The following DNHD1 variants were observed in gnomAD, a reference collection of about 807,000 sequenced individuals.
DNHD1 encodes the protein dynein heavy chain domain-containing protein 1.
DNHD1 carries 383 observed loss-of-function variants against 458.1 expected under a neutral mutation model. The observed-to-expected ratio is 0.84, with a 90% confidence interval of 0.77 to 0.91. DNHD1 has a LOEUF of 0.91. Among genes scored for constraint, DNHD1 ranks in the 40% least tolerant of loss-of-function variants. The pLI is 0.00. For synonymous variants in DNHD1, 2,203 were observed against 2,376.9 expected (o/e 0.93, Z 2.13); for missense variants, 5,336 against 5,866.1 (o/e 0.91, Z 2.95).
At chr11:6,535,543 G>A (rs1391625305) in intron 14 of DNHD1, among the ~76,000 whole-genome samples, 1 of 152,166 alleles carries the variant, frequency 6.6e-6, no homozygotes, top group Non-Finnish European at 1.5e-5. Flanking sequence ...GTTTAAAAAA[G>A]TGATGGGAGC....
intron 7 of DNHD1, among the ~76,000 whole-genome samples, chr11:6,513,950 T>C (rs2433316): frequency 0.012 from 1,882 of 152,216 alleles, 48 homozygotes; most frequent in African/African-American, 0.043. Context: ...TTCACACCAT[T>C]CTCCTGCCTC....
chr11:6,524,015 C>T (rs1402299203), intron 10 of DNHD1, among the ~76,000 whole-genome samples: 2 of 152,150 alleles, frequency 1.3e-5, no homozygotes, highest in African/African-American at 2.4e-5. Context: ...TCATTATAAG[C>T]AAAGTTTATT....
Position 6,508,950 on chromosome 11 carries a change from A to T in DNHD1, c.991A>T (p.Ile331Phe), listed in dbSNP as rs148851238. The T allele has an allele frequency of 5.5e-4, 885 of 1,614,126 alleles. 1 individual carries two copies. The highest frequency in any genetic ancestry group is 5.6e-4 in the Non-Finnish European group (663 of 1,180,038). The change falls in exon 5 of 43, where the codon ATC (isoleucine) becomes TTC (phenylalanine). Residue 331 changes from isoleucine (I) to phenylalanine (F), a missense_variant. Around this residue, in one of 4 missense-constraint regions of DNHD1, gnomAD observed 3,932 missense variants for 4,365.6 expected, o/e 0.90. Coordinates refer to ENST00000254579, the MANE Select transcript of DNHD1 (RefSeq NM_144666.3). ...PEHYIFSPFG[I>F]LHVHPVEGSE... Reference sequence around the variant, plus strand: ...GCACTACATCTTCTCTCCCTTTGGGATCTTGCATGTACATCCTGTGGAAGG... The same window carrying T: ...GCACTACATCTTCTCTCCCTTTGGGTTCTTGCATGTACATCCTGTGGAAGG...
chr11:6,557,105 C>G lies in DNHD1; in HGVS notation c.7810C>G (p.Leu2604Val). ...VSHLLSSLQL[L>V]PNRTGSRGFV... ...CCACCTACTGAGCAGCCTGCAGCTG[C>G]TGCCCAACAGAACAGGCTCCCGAGG... The change falls in exon 25 of 43, where the codon CTG becomes GTG. Residue 2604 changes from leucine to valine, a missense_variant. Leu to Val is a conservative substitution (Grantham distance 32). Around this residue, in one of 4 missense-constraint regions of DNHD1, gnomAD observed 3,932 missense variants for 4,365.6 expected, o/e 0.90. Coordinates refer to ENST00000254579, the MANE Select transcript of DNHD1 (RefSeq NM_144666.3). The G allele has an allele frequency of 3.2e-6, 5 of 1,551,748 alleles. No individual in the cohort carries two copies. Among genetic ancestry groups the G allele is most frequent in the Non-Finnish European group, 4.4e-6 (5 of 1,147,006 alleles).
At chr11:6,511,690 T>C (rs1388763289) in intron 7 of DNHD1, among the ~76,000 whole-genome samples, 1 of 152,210 alleles carries the variant, frequency 6.6e-6, no homozygotes. Context: ...AATGTATCAA[T>C]GTCTATTTTG....
chr11:6,511,256 T>C lies in DNHD1; in HGVS notation c.1236-17T>C. 6.2e-7 allele frequency: 1 copy of C among 1,613,686 alleles called. No homozygotes were observed. The highest frequency in any genetic ancestry group is 8.5e-7 in the Non-Finnish European group (1 of 1,179,716). On this transcript the variant is annotated splice_polypyrimidine_tract_variant and intron_variant, in intron 6 of 42. Transcript: ENST00000254579. ...GATTGGGATGCCAGCTCTGACCAGC[T>C]TAGTCCTTGATTCTAGGCTTCTGCA... is the stretch of plus-strand genomic sequence containing the variant.
rs200418410 is a variant in DNHD1, at chr11:6,498,223, C to T, written c.8C>T (p.Pro3Leu). 1.8e-4 allele frequency: 294 copies of T among 1,610,990 alleles called. 1 individual carries two copies. The highest frequency in any genetic ancestry group is 5.1e-4 in the Middle Eastern group (3 of 5,940). Residue 3 changes from proline to leucine, a missense_variant, in exon 3 of 43, where the codon CCG (proline) becomes CTG (leucine). Physicochemically the swap from Pro to Leu is moderately conservative, Grantham distance 98 (BLOSUM62 -3). This residue lies in a region of DNHD1 where 3,932 missense variants were observed against 4,365.6 expected (regional missense o/e 0.90). Transcript: ENST00000254579. The part of the protein sequence containing the change: MV[P>L]EERRVGLSSD... ...TTGAATGCCCAGCTCCTCATGGTCCCGGAGGAGAGGAGGGTAGGTTTGTCT... is the reference window on the plus strand; with the variant it reads ...TTGAATGCCCAGCTCCTCATGGTCCTGGAGGAGAGGAGGGTAGGTTTGTCT...
At chr11:6,502,149 A>G (rs1231612814) in intron 3 of DNHD1, among the ~76,000 whole-genome samples, 1 of 152,200 alleles carries the variant, frequency 6.6e-6, no homozygotes, top group Admixed American at 6.5e-5. Context: ...TGTTGACCAG[A>G]ATGCAGAAGA....
At chr11:6,569,899 G>T (rs1321210351) in intron 39 of DNHD1, 110 bp from the exon 40 acceptor site, 10 of 824,166 alleles carry the variant, frequency 1.2e-5, no homozygotes, top group Non-Finnish European at 1.8e-5. Context: ...GAGGTGCCAA[G>T]TGGCAATGAA....
At position 6,498,824 on chromosome 11, in the gene DNHD1, G is replaced by A. The variant is rs1852084736; in HGVS notation, c.609G>A (p.Gln203=). 6.2e-7 allele frequency: 1 copy of A among 1,614,126 alleles called. No homozygotes were observed. The highest frequency in any genetic ancestry group is 1.3e-5 in the African/African-American group (1 of 74,938). The change falls in exon 3 of 43, where the codon CAG becomes CAA. Residue 203 remains glutamine, a synonymous_variant. Transcript: ENST00000254579. ...GCTGCCTGGGCATTGTTGGTGCTCA[G>A]GTGGCCCTAGAAGAGGCTGTGTGGC... The part of the protein sequence containing the change: ...LQRCLGIVGA[Q]VALEEAVWLD...
At chr11:6,512,133 G>A (rs1852344710) in intron 7 of DNHD1, among the ~76,000 whole-genome samples, 1 of 151,984 alleles carries the variant, frequency 6.6e-6, no homozygotes, top group South Asian at 2.1e-4. Flanking sequence ...CTCCATCAGA[G>A]GAGGTTAATC....
chr11:6,563,165 C>T lies in DNHD1; in HGVS notation c.9669+34C>T, dbSNP rs750638310. 8 of 1,551,414 alleles carry T rather than the reference C, an allele frequency of 5.2e-6. No homozygotes were observed. The South Asian group carries it at 7.1e-5, about 14-fold the overall frequency. Reference sequence around the variant, plus strand: ...TTCCTGCCGCCTGCCCTGCACTGCTCCTCTCTCAAAAGAGGGCAACCCCTC... The same window carrying T: ...TTCCTGCCGCCTGCCCTGCACTGCTTCTCTCTCAAAAGAGGGCAACCCCTC... On this transcript the variant is annotated intron_variant, in intron 29 of 42. Transcript: ENST00000254579.
chr11:6,549,568 C>T (rs1458994758), intron 24 of DNHD1, among the ~76,000 whole-genome samples: 1 of 152,228 alleles, frequency 6.6e-6, no homozygotes, highest in Admixed American at 6.5e-5. Context: ...TCTCTGCCTT[C>T]TCTATGTGGC....
chr11:6,546,225 G>C lies in DNHD1; in HGVS notation c.5286G>C (p.Leu1762Phe). Residue 1762 changes from leucine to phenylalanine, a missense_variant, in exon 21 of 43, where the codon TTG becomes TTC. Around this residue, in one of 4 missense-constraint regions of DNHD1, gnomAD observed 3,932 missense variants for 4,365.6 expected, o/e 0.90. Transcript: ENST00000254579. The part of the protein sequence containing the change: ...LGQRLGELHH[L>F]YAPLYQEASR... ...AGCGCCTGGGTGAACTGCACCACTTGTATGCCCCACTGTACCAGGAGGCTT... is the reference window on the plus strand; with the variant it reads ...AGCGCCTGGGTGAACTGCACCACTTCTATGCCCCACTGTACCAGGAGGCTT... 1.3e-6 allele frequency: 2 copies of C among 1,551,920 alleles called. No individual in the cohort carries two copies. Among genetic ancestry groups the C allele is most frequent in the South Asian group, 2.4e-5 (2 of 84,008 alleles).
intron 6 of DNHD1, 89 bp from the exon 7 acceptor site, chr11:6,511,184 G>T: frequency 6.6e-7 from 1 of 1,515,004 alleles, no homozygotes; most frequent in South Asian, 1.3e-5. Flanking sequence ...TATTTGTGCA[G>T]TCTGAGGTAA....
intron 19 of DNHD1, 89 bp downstream of exon 19, chr11:6,544,335 G>C: frequency 1.4e-6 from 2 of 1,452,846 alleles, no homozygotes; most frequent in Non-Finnish European, 1.9e-6. Context: ...GGTTGGGTGG[G>C]AGAAGATATG....
Position 6,559,017 on chromosome 11 carries a change from C to T in DNHD1, c.9327C>T (p.Leu3109=), listed in dbSNP as rs1487267618. The change falls in exon 27 of 43, where the codon CTC becomes CTT. Residue 3109 remains leucine, a synonymous_variant. Coordinates refer to ENST00000254579, the MANE Select transcript of DNHD1 (RefSeq NM_144666.3). ...YHEHLCPALP[L]VTPKTFLDFL... The stretch of plus-strand genomic sequence containing the variant: ...AGCACCTGTGCCCTGCATTGCCACT[C>T]GTCACCCCCAAGACCTTCCTAGACT... 1.2e-5 allele frequency: 19 copies of T among 1,551,620 alleles called. No individual in the cohort carries two copies. Among genetic ancestry groups the T allele is most frequent in the Admixed American group, 7.8e-5 (4 of 50,990 alleles).
intron 10 of DNHD1, among the ~76,000 whole-genome samples, chr11:6,522,159 G>T (rs371639207): frequency 6.6e-5 from 10 of 151,500 alleles, no homozygotes; most frequent in Non-Finnish European, 1.5e-5. Flanking sequence ...GTGTCTGTTC[G>T]TGTCCTTTGC....
chr11:6,548,059 G>T lies in DNHD1; in HGVS notation c.6905+19G>T. On this transcript the variant is annotated intron_variant, in intron 22 of 42. Transcript: ENST00000254579. The surrounding 1 kb of genome is among the most constrained non-coding windows in gnomAD (Gnocchi z 4.4). ...CCTCCAGGTACCTACCAGGATGGGG[G>T]ATGGGAGATGCAGAGGGCTGAGATG... 5.8e-6 allele frequency: 9 copies of T among 1,551,688 alleles called. No homozygotes were observed. The highest frequency in any genetic ancestry group is 7.8e-6 in the Non-Finnish European group (9 of 1,146,980).
Sources: allele counts gnomAD v4.1 joint callset (sites outside exome capture counted in the v4.1 genomes callset), GRCh38; gene constraint gnomAD v4.1.1; regional missense constraint gnomAD v4.1.1; non-coding constraint Gnocchi (gnomAD v3.1); transcripts MANE v1.5; gene names NCBI Gene and HGNC (gene_info 2026-07-23, HGNC 2026-07-21).